LGR5: variants seen among roughly 807,000 people sequenced by gnomAD.
LGR5 encodes leucine rich repeat containing G protein-coupled receptor 5, also known as leucine-rich repeat-containing G protein-coupled receptor 5.
In LGR5, 54 loss-of-function variants were observed where a neutral mutation model predicts 76.7. That is an observed-to-expected ratio of 0.70 (90% confidence interval 0.57 to 0.88). LGR5 has a LOEUF of 0.88. Among genes scored for constraint, LGR5 ranks in the 40% least tolerant of loss-of-function variants. The probability of loss-of-function intolerance (pLI) is 0.00; values close to 1 mark genes in which losing one functional copy is unlikely to be tolerated. For synonymous variants in LGR5, 406 were observed against 421.9 expected (o/e 0.96, Z 0.46); for missense variants, 1,078 against 1,073.3 (o/e 1.00, Z -0.06).
chr12:71,582,095 T>C (rs1399516559), intron 16 of LGR5, among the ~76,000 whole-genome samples: 2 of 152,302 alleles, frequency 1.3e-5, no homozygotes, highest in Non-Finnish European at 2.9e-5. Context: ...GCTTTTATAG[T>C]GTTAGAAATT....
chr12:71,461,694 C>G (rs1872690248), intron 1 of LGR5, among the ~76,000 whole-genome samples: 1 of 152,148 alleles, frequency 6.6e-6, no homozygotes, highest in Admixed American at 6.5e-5. Context: ...TTCATTGCCA[C>G]CATTTCATTA....
At chr12:71,443,187 T>A (rs2137191936) in intron 1 of LGR5, among the ~76,000 whole-genome samples, 1 of 152,346 alleles carries the variant, frequency 6.6e-6, no homozygotes, top group African/African-American at 2.4e-5. Context: ...CTGTACACAT[T>A]TACCACAATC....
intron 7 of LGR5, among the ~76,000 whole-genome samples, chr12:71,560,175 T>C (rs1877984678): frequency 6.6e-6 from 1 of 152,208 alleles, no homozygotes; most frequent in Non-Finnish European, 1.5e-5. Flanking sequence ...TGTATAACTT[T>C]TGACTTCTTA....
chr12:71,480,347 T>G (rs1219944886), intron 1 of LGR5, among the ~76,000 whole-genome samples: 1 of 131,202 alleles, frequency 7.6e-6, no homozygotes, highest in Non-Finnish European at 1.6e-5. Flanking sequence ...GATGACAGAA[T>G]GAGACTCTGT....
chr12:71,565,626 T>TCCCCA (rs1302848332), intron 8 of LGR5, among the ~76,000 whole-genome samples: 1 of 150,428 alleles, frequency 6.6e-6, no homozygotes, highest in Non-Finnish European at 1.5e-5. Context: ...GCATCTAGTA[T>TCCCCA]AATGCCAAGT....
rs1402986212 is a variant in LGR5, at chr12:71,586,048, A to T, written c.*1314A>T. 6.6e-6 allele frequency: 1 copy of T among 152,202 alleles called. No homozygotes were observed. Among genetic ancestry groups the T allele is most frequent in the Non-Finnish European group, 1.5e-5 (1 of 68,020 alleles). The allele number at this position is 152,202 out of a possible 1,614,324, so 9.4% of individuals were successfully genotyped here. A position where few individuals can be genotyped will look rare whatever the true frequency, so the allele number is the denominator to read the frequency against. The stretch of plus-strand genomic sequence containing the variant: ...AACTTGGATTTGAAAAAATACATTT[A>T]TGAGATGTTTTATAAGATGTGTAAA... On this transcript the variant is annotated 3_prime_UTR_variant, in exon 18 of 18. Coordinates refer to ENST00000266674, the MANE Select transcript of LGR5 (RefSeq NM_003667.4).
At chr12:71,462,771 C>T (rs541917549) in intron 1 of LGR5, among the ~76,000 whole-genome samples, 1 of 152,264 alleles carries the variant, frequency 6.6e-6, no homozygotes, top group Non-Finnish European at 1.5e-5. Flanking sequence ...CTGTGCCACA[C>T]CTCACTTAAG....
chr12:71,473,609 A>G (rs896104046), intron 1 of LGR5, among the ~76,000 whole-genome samples: 7 of 151,638 alleles, frequency 4.6e-5, no homozygotes, highest in Non-Finnish European at 8.8e-5. Context: ...TCCTGTAACT[A>G]CAAAATATTT....
intron 1 of LGR5, among the ~76,000 whole-genome samples, chr12:71,500,807 A>G (rs1165379164): frequency 1.3e-5 from 2 of 151,958 alleles, no homozygotes; most frequent in Non-Finnish European, 2.9e-5. Flanking sequence ...CCTATATATA[A>G]CAACTGCTCT....
Position 71,524,580 on chromosome 12 carries a change from A to G in LGR5, c.356+103A>G, listed in dbSNP as rs577415009. 1.1e-4 allele frequency: 76 copies of G among 711,552 alleles called. No individual in the cohort carries two copies. In the African/African-American group the frequency reaches 1.3e-3, roughly 12 times the overall value. The allele number at this position is 711,552 out of a possible 1,614,324, so 44.1% of individuals were successfully genotyped here. ...TGTCTCTAATACACTATTTAAATCC[A>G]TGGGATAATTCATCTAAATTCAAGT... is the stretch of plus-strand genomic sequence containing the variant. On this transcript the variant is annotated intron_variant, in intron 3 of 17. Transcript: ENST00000266674.
rs755282600 is a variant in LGR5 at position 71,561,895 on chromosome 12, T to C, written c.857+43T>C. 14 of 1,115,502 alleles carry C rather than the reference T, an allele frequency of 1.3e-5. No homozygotes were observed. In the South Asian group the frequency reaches 1.8e-4, roughly 14 times the overall value. The allele number at this position is 1,115,502 out of a possible 1,614,324, so 69.1% of individuals were successfully genotyped here. A position where few individuals can be genotyped will look rare whatever the true frequency, so the allele number is the denominator to read the frequency against. ...TTTTCGGTTTCTCCATCCTGAAATA[T>C]AGCATATATTATACTTTGAAATACA... On this transcript the variant is annotated intron_variant, in intron 8 of 17. Transcript: ENST00000266674.
intron 2 of LGR5, among the ~76,000 whole-genome samples, chr12:71,512,079 C>G (rs573903107): frequency 6.6e-6 from 1 of 152,172 alleles, no homozygotes; most frequent in Admixed American, 6.5e-5. Context: ...GCTACTTCCA[C>G]CCCCTGGATT....
At chr12:71,503,052 G>A (rs531104716) in intron 1 of LGR5, among the ~76,000 whole-genome samples, 2 of 152,218 alleles carry the variant, frequency 1.3e-5, no homozygotes, top group African/African-American at 4.8e-5. Context: ...ATCCTTTTAG[G>A]AAATAAGTAG....
intron 3 of LGR5, 142 bp from the exon 4 acceptor site, chr12:71,534,973 A>G: frequency 3.6e-6 from 2 of 557,088 alleles, no homozygotes; most frequent in South Asian, 4.6e-5. Context: ...TTCACTCTTC[A>G]CAGGAATTTC....
At chr12:71,462,444 T>C (rs368619604) in intron 1 of LGR5, among the ~76,000 whole-genome samples, 3 of 152,260 alleles carry the variant, frequency 2.0e-5, no homozygotes, top group Non-Finnish European at 4.4e-5. Context: ...CATATTCTCT[T>C]TTCAACTTTT....
chr12:71,555,591 T>C (rs1310165476), intron 5 of LGR5, among the ~76,000 whole-genome samples: 1 of 152,236 alleles, frequency 6.6e-6, no homozygotes, highest in African/African-American at 2.4e-5. Context: ...AAGGTAGCCA[T>C]TATAGGCCTT....
chr12:71,518,476 C>T (rs905260210), intron 2 of LGR5, among the ~76,000 whole-genome samples: 8 of 152,120 alleles, frequency 5.3e-5, no homozygotes, highest in Non-Finnish European at 8.8e-5. Flanking sequence ...AACTACCATT[C>T]GACCCAGCAA....
intron 1 of LGR5, among the ~76,000 whole-genome samples, chr12:71,494,775 C>T (rs1659204550): frequency 6.6e-6 from 1 of 151,106 alleles, no homozygotes; most frequent in Admixed American, 6.6e-5. Context: ...ATTGAATACC[C>T]AGTTTAACCT....
Position 71,527,306 on chromosome 12 carries a change from C to T in LGR5, c.356+2829C>T, listed in dbSNP as rs866638962. ...TCTTAGGTTGTTTGTGCTATGATAA[C>T]GGAATACCGCAAACTGGGTAATTTA... On this transcript the variant is annotated intron_variant, in intron 3 of 17. Coordinates refer to ENST00000266674, the MANE Select transcript of LGR5 (RefSeq NM_003667.4). 5.4e-4 allele frequency among the ~76,000 whole-genome samples: 82 copies of T among 152,250 alleles called. 1 individual carries two copies. In the Middle Eastern group the frequency reaches 0.01, roughly 19 times the overall value.
Sources: allele counts gnomAD v4.1 joint callset (sites outside exome capture counted in the v4.1 genomes callset), GRCh38; gene constraint gnomAD v4.1.1; transcripts MANE v1.5; gene names NCBI Gene and HGNC (gene_info 2026-07-23, HGNC 2026-07-21).